CENPF: variants seen among roughly 807,000 people sequenced by gnomAD.
CENPF encodes AH antigen.
A neutral mutation model predicts 307.3 loss-of-function variants in CENPF; 214 were observed. The ratio of observed to expected loss-of-function variants is 0.70; its 90% CI spans 0.62 to 0.78. The LOEUF (loss-of-function observed/expected upper bound fraction) is 0.78. CENPF is among the 30% of genes least tolerant of loss of function. The pLI, the probability that CENPF is intolerant of heterozygous loss-of-function variation, is 0.00. For missense variants in CENPF, 3,401 were observed against 3,483.9 expected, an observed-to-expected ratio of 0.98 and a Z score of 0.60; for synonymous variants, 1,259 against 1,270.6, an observed-to-expected ratio of 0.99 and a Z score of 0.19.
chr1:214,656,356 A>T (rs1350290358), intron 17 of CENPF, among the ~76,000 whole-genome samples: 1 of 151,988 alleles, frequency 6.6e-6, no homozygotes, highest in Non-Finnish European at 1.5e-5. Context: ...GCTTCAGGGG[A>T]TTTTTCTAAT....
rs1045734405 is a variant in CENPF, at chr1:214,659,662, A to G, written c.9141+634A>G. ...CCATACCAGCAGCTGCCATTTAAGTATGCAAAGTATATGCATTTTATTTAT... is the reference window on the plus strand; with the variant it reads ...CCATACCAGCAGCTGCCATTTAAGTGTGCAAAGTATATGCATTTTATTTAT... On this transcript the variant is annotated intron_variant, in intron 19 of 19. Coordinates refer to ENST00000366955, the MANE Select transcript of CENPF (RefSeq NM_016343.4). The surrounding 1 kb of genome is among the most constrained non-coding windows in gnomAD (Gnocchi z 4.4). Among the ~76,000 whole-genome samples the G allele has an allele frequency of 3.3e-5, 5 of 152,210 alleles. No individual in the cohort carries two copies. The highest frequency in any genetic ancestry group is 1.5e-5 in the Non-Finnish European group (1 of 68,036).
chr1:214,662,210 G>A (rs367946330), intron 19 of CENPF, among the ~76,000 whole-genome samples: 26 of 151,554 alleles, frequency 1.7e-4, no homozygotes, highest in East Asian at 1.2e-3. Context: ...TACATCTGGT[G>A]GGTTCCAGGG....
At chr1:214,639,840 G>C in intron 11 of CENPF, 81 bp from the exon 12 acceptor site, 1 of 928,046 alleles carries the variant, frequency 1.1e-6, no homozygotes, top group Non-Finnish European at 1.5e-6. Flanking sequence ...GATTTTGCCA[G>C]GGGGCGGGGG....
At chr1:214,653,423 C>T (rs76986440) in intron 16 of CENPF, 2,542 of 158,392 alleles carry the variant, frequency 0.016, 55 homozygotes, top group African/African-American at 0.058. Context: ...GTCAGGCAGA[C>T]GTGTGGATAT....
chr1:214,659,121 A>G lies in CENPF; in HGVS notation c.9141+93A>G. The G allele has an allele frequency of 7.3e-7, 1 of 1,373,350 alleles. No individual in the cohort carries two copies. Among genetic ancestry groups the G allele is most frequent in the South Asian group, 1.3e-5 (1 of 75,374 alleles). The allele number at this position is 1,373,350 out of a possible 1,614,324, so 85.1% of individuals were successfully genotyped here. ...TTGGACACTGCACCCCCGATTCAGG[A>G]GCGCTTTCAAAAAGTCTGACCTTCT... On this transcript the variant is annotated intron_variant, in intron 19 of 19. Transcript: ENST00000366955. This position sits in a 1 kb window ranked among gnomAD's most constrained non-coding sequence, Gnocchi z 4.4.
intron 8 of CENPF, 94 bp downstream of exon 8, chr1:214,629,265 T>G: frequency 8.0e-7 from 1 of 1,257,812 alleles, no homozygotes; most frequent in Non-Finnish European, 1.1e-6. Flanking sequence ...GTTATCACAA[T>G]TTGGGAAATT....
At chr1:214,658,684 G>A (rs1658710671) in intron 18 of CENPF, among the ~76,000 whole-genome samples, 166 bp from the exon 19 acceptor site, 1 of 152,070 alleles carries the variant, frequency 6.6e-6, no homozygotes, top group African/African-American at 2.4e-5. Context: ...ATTCAATTTG[G>A]TGACTCCCAG....
At position 214,641,441 on chromosome 1, in the gene CENPF, G is replaced by C; in HGVS notation, c.3103G>C (p.Ala1035Pro). 6.4e-7 allele frequency: 1 copy of C among 1,556,504 alleles called. No homozygotes were observed. ...LLQRCEETGN[A>P]YEDLSQKYKA... ...ACAAAGATGTGAAGAAACCGGAAAT[G>C]CATATGAGGATCTTAGTCAAAAATA... Residue 1035 changes from alanine (A) to proline (P), a missense_variant, in exon 12 of 20, where the codon GCA becomes CCA. Transcript: ENST00000366955.
Position 214,645,682 on chromosome 1 carries a change from C to T in CENPF, c.6112C>T (p.Gln2038Ter), listed in dbSNP as rs1658273840. The T allele has an allele frequency of 6.2e-7, 1 of 1,614,022 alleles. No homozygotes were observed. The highest frequency in any genetic ancestry group is 8.5e-7 in the Non-Finnish European group (1 of 1,180,016). The change falls in exon 13 of 20, where the codon CAG becomes TAG. Residue 2038 changes from glutamine (Q) to a stop codon, truncating the protein, a stop_gained. Coordinates refer to ENST00000366955, the MANE Select transcript of CENPF (RefSeq NM_016343.4). LOFTEE classifies it high-confidence loss of function. ...KDKTHLQEKL[Q>*]SLEKDSQALS... ...CAAAACTCATCTCCAGGAAAAGCTG[C>T]AGAGTTTGGAAAAGGACTCACAGGC...
chr1:214,643,275 A>G lies in CENPF; in HGVS notation c.4937A>G (p.Gln1646Arg). 2 of 1,557,812 alleles carry G rather than the reference A, an allele frequency of 1.3e-6. No homozygotes were observed. The highest frequency in any genetic ancestry group is 1.4e-5 in the African/African-American group (1 of 72,596). The part of the protein sequence containing the change: ...LELEVARLQL[Q>R]GLDLSSRSLL... ...CTGGAAGTAGCACGACTCCAGCTAC[A>G]AGGTCTGGACTTAAGTTCTCGGTCT... The change falls in exon 12 of 20, where the codon CAA (glutamine) becomes CGA (arginine). Residue 1646 changes from glutamine to arginine, a missense_variant. Gln to Arg is a conservative substitution (Grantham distance 43). Transcript: ENST00000366955.
intron 1 of CENPF, chr1:214,608,320 C>T: frequency 5.6e-6 from 9 of 1,594,238 alleles, no homozygotes; most frequent in South Asian, 1.1e-5. Flanking sequence ...TCACCTGGTG[C>T]GCAGGGCCTG....
At chr1:214,610,534 G>T (rs1257054750) in intron 1 of CENPF, among the ~76,000 whole-genome samples, 3 of 150,142 alleles carry the variant, frequency 2.0e-5, no homozygotes, top group Non-Finnish European at 3.0e-5. Flanking sequence ...TTTTAATGGG[G>T]TTGTTGTTTT....
In CENPF at chr1:214,642,005, A is replaced by G. The variant is rs758098683; in HGVS notation, c.3667A>G (p.Lys1223Glu). Reference sequence around the variant, plus strand: ...AGCTATGCTAAGAAATAAGGAATTAAAACTTCAGGAAAGTGAGAAGGAGAA... The same window carrying G: ...AGCTATGCTAAGAAATAAGGAATTAGAACTTCAGGAAAGTGAGAAGGAGAA... ...LEAMLRNKEL[K>E]LQESEKEKEC... The change falls in exon 12 of 20, where the codon AAA becomes GAA. Residue 1223 changes from lysine (K) to glutamate (E), a missense_variant. Lys to Glu is a moderately conservative substitution (Grantham distance 56, BLOSUM62 1). Transcript: ENST00000366955. 2.0e-5 allele frequency: 32 copies of G among 1,610,746 alleles called. No homozygotes were observed. The highest frequency in any genetic ancestry group is 3.3e-4 in the Middle Eastern group (2 of 6,052).
chr1:214,641,623 A>T lies in CENPF; in HGVS notation c.3285A>T (p.Arg1095Ser). 2 of 1,562,094 alleles carry T rather than the reference A, an allele frequency of 1.3e-6. No individual in the cohort carries two copies. The highest frequency in any genetic ancestry group is 2.4e-5 in the South Asian group (2 of 82,090). The part of the protein sequence containing the change: ...FLTKLAFAEE[R>S]NQNLMLELET... The stretch of plus-strand genomic sequence containing the variant: ...CAAAATTAGCATTTGCTGAAGAAAG[A>T]AATCAGAATCTGATGCTAGAGTTGG... Residue 1095 changes from arginine (R) to serine (S), a missense_variant, in exon 12 of 20, where the codon AGA becomes AGT. By Grantham distance (110) the Arg-to-Ser change is moderately radical. Coordinates refer to ENST00000366955, the MANE Select transcript of CENPF (RefSeq NM_016343.4).
intron 18 of CENPF, among the ~76,000 whole-genome samples, chr1:214,657,663 T>A (rs549610736): frequency 6.6e-6 from 1 of 152,288 alleles, no homozygotes; most frequent in African/African-American, 2.4e-5. Flanking sequence ...AATTTGTTAT[T>A]TGAATGCTGA....
chr1:214,652,196 C>T (rs1161041960), intron 15 of CENPF, among the ~76,000 whole-genome samples: 16 of 151,188 alleles, frequency 1.1e-4, no homozygotes, highest in South Asian at 4.2e-4. Flanking sequence ...CCACCACGCC[C>T]GGCTAATTTT....
intron 19 of CENPF, among the ~76,000 whole-genome samples, chr1:214,660,970 T>C (rs1216936254): frequency 6.6e-6 from 1 of 152,224 alleles, no homozygotes; most frequent in Non-Finnish European, 1.5e-5. Flanking sequence ...AAAGGCATGC[T>C]AGGAAATGGT....
chr1:214,624,055 G>A (rs1424444555), intron 7 of CENPF, among the ~76,000 whole-genome samples: 2 of 152,072 alleles, frequency 1.3e-5, no homozygotes, highest in Admixed American at 6.6e-5. Context: ...CAAAATAATA[G>A]CTTGTTAATG....
In CENPF at chr1:214,629,165, T is replaced by A. The variant is rs764357525; in HGVS notation, c.1188T>A (p.Phe396Leu). 12 of 1,606,924 alleles carry A rather than the reference T, an allele frequency of 7.5e-6. No individual in the cohort carries two copies. The Admixed American group carries it at 1.7e-4, about 23-fold the overall frequency. The change falls in exon 8 of 20, where the codon TTT (phenylalanine) becomes TTA (leucine). Residue 396 changes from phenylalanine to leucine, a missense_variant. Transcript: ENST00000366955. ...EQKIKEKEKE[F>L]QEELSRQQRS... is the part of the protein sequence containing the mutation. ...AAATTAAGGAAAAAGAAAAGGAGTT[T>A]CAAGAGGTAAGGTAAATGGATTCAT...
Sources: allele counts gnomAD v4.1 joint callset (sites outside exome capture counted in the v4.1 genomes callset), GRCh38; gene constraint gnomAD v4.1.1; non-coding constraint Gnocchi (gnomAD v3.1); transcripts MANE v1.5; gene names NCBI Gene and HGNC (gene_info 2026-07-23, HGNC 2026-07-21).